The following DPYD variants were observed in gnomAD, a reference collection of about 807,000 sequenced individuals.
The protein encoded by DPYD is dihydropyrimidine dehydrogenase [NADP(+)].
Under a neutral mutation model 116.2 loss-of-function variants are expected in DPYD, and 109 were observed. That is an observed-to-expected ratio of 0.94 (90% CI 0.80 to 1.10). DPYD has a LOEUF of 1.10. Among genes scored for constraint, DPYD ranks in the 50% least tolerant of loss-of-function variants. The pLI is 0.00. For missense variants in DPYD, 1,302 were observed against 1,254.5 expected (o/e 1.04, Z -0.57); for synonymous variants, 440 against 432.0 (o/e 1.02, Z -0.23).
intron 14 of DPYD, among the ~76,000 whole-genome samples, chr1:97,414,636 T>A (rs1437932215): frequency 6.6e-6 from 1 of 152,242 alleles, no homozygotes; most frequent in Admixed American, 6.5e-5. Flanking sequence ...ATAGAATTAC[T>A]CTGTCCCACT....
chr1:97,580,508 TTAAAA>T (rs1653571016), intron 10 of DPYD, among the ~76,000 whole-genome samples: 1 of 152,178 alleles, frequency 6.6e-6, no homozygotes, highest in Non-Finnish European at 1.5e-5. Flanking sequence ...TGAGCTACAG[TTAAAA>T]TAAACTCTGC....
chr1:97,403,345 T>C (rs1673473733), intron 14 of DPYD, among the ~76,000 whole-genome samples: 1 of 152,094 alleles, frequency 6.6e-6, no homozygotes, highest in African/African-American at 2.4e-5. Context: ...AATTCTAAGT[T>C]TGAGACTATC....
rs1431555133 is a variant in DPYD at position 97,525,789 on chromosome 1, A to AGAGAGAGAGAGT, written c.1525-9849_1525-9848insACTCTCTCTCTC. Among the ~76,000 whole-genome samples the AGAGAGAGAGAGT allele has an allele frequency of 7.8e-4, 112 of 142,696 alleles. 2 individuals are homozygous for AGAGAGAGAGAGT. Among genetic ancestry groups the AGAGAGAGAGAGT allele is most frequent in the African/African-American group, 1.9e-3 (70 of 37,452 alleles). The allele number at this position is 142,696 out of a possible 152,430, so 93.6% of individuals were successfully genotyped here. A position where few individuals can be genotyped will look rare whatever the true frequency, so the allele number is the denominator to read the frequency against. On this transcript the variant is annotated intron_variant, in intron 12 of 22. Coordinates refer to ENST00000370192, the MANE Select transcript of DPYD (RefSeq NM_000110.4). ...GAGAGAGAGAGAGAGAGAGAGAGAGAGTGTGTGTGTGTTTTAGGCCAGTCT... is the reference window on the plus strand; with the variant it reads ...GAGAGAGAGAGAGAGAGAGAGAGAGAGAGAGAGAGAGTGTGTGTGTGTGTTTTAGGCCAGTCT...
chr1:97,479,977 G>T (rs1464812539), intron 13 of DPYD, among the ~76,000 whole-genome samples: 2 of 152,162 alleles, frequency 1.3e-5, no homozygotes, highest in African/African-American at 2.4e-5. Context: ...AATAATCTGA[G>T]AATTTCTGGG....
chr1:97,311,276 G>A (rs1301372298), intron 16 of DPYD, among the ~76,000 whole-genome samples: 5 of 151,760 alleles, frequency 3.3e-5, no homozygotes, highest in South Asian at 2.1e-4. Flanking sequence ...TAAAGGAGTA[G>A]TATCCAGAAT....
chr1:97,379,152 A>G (rs1473541554), intron 15 of DPYD, among the ~76,000 whole-genome samples: 2 of 152,130 alleles, frequency 1.3e-5, no homozygotes, highest in African/African-American at 4.8e-5. Flanking sequence ...AAGAGAGAAC[A>G]TTGCAGGCCA....
chr1:97,526,580 A>C (rs1326089285), intron 12 of DPYD, among the ~76,000 whole-genome samples: 1 of 152,200 alleles, frequency 6.6e-6, no homozygotes, highest in Non-Finnish European at 1.5e-5. Flanking sequence ...TTCTCCAGTA[A>C]CATGAGTTCT....
At chr1:97,554,504 T>C (rs1651552094) in intron 11 of DPYD, among the ~76,000 whole-genome samples, 1 of 152,084 alleles carries the variant, frequency 6.6e-6, no homozygotes, top group Non-Finnish European at 1.5e-5. Context: ...CCTTGTTGTT[T>C]AATTTTACAT....
chr1:97,296,752 A>T (rs913143380), intron 18 of DPYD, among the ~76,000 whole-genome samples: 13 of 151,798 alleles, frequency 8.6e-5, no homozygotes, highest in South Asian at 4.2e-4. Context: ...TTCAAATTTT[A>T]AAAAAAACAT....
At chr1:97,837,249 G>A (rs1219691180) in intron 2 of DPYD, among the ~76,000 whole-genome samples, 1 of 152,002 alleles carries the variant, frequency 6.6e-6, no homozygotes, top group African/African-American at 2.4e-5. Flanking sequence ...ACTCTCTGTT[G>A]TTTCAAGACT....
At chr1:97,314,909 T>C (rs1216048484) in intron 16 of DPYD, among the ~76,000 whole-genome samples, 1 of 151,978 alleles carries the variant, frequency 6.6e-6, no homozygotes, top group Non-Finnish European at 1.5e-5. Flanking sequence ...AGGGGCACTG[T>C]AGCACTGTTG....
intron 12 of DPYD, among the ~76,000 whole-genome samples, chr1:97,534,954 G>T (rs1278566548): frequency 6.6e-6 from 1 of 151,954 alleles, no homozygotes; most frequent in African/African-American, 2.4e-5. Flanking sequence ...AAATGATGAG[G>T]TTCAAGATAA....
intron 13 of DPYD, among the ~76,000 whole-genome samples, chr1:97,451,794 G>A (rs1439344744): frequency 6.6e-6 from 1 of 152,098 alleles, no homozygotes; most frequent in Admixed American, 6.6e-5. Context: ...TCACTCAGAT[G>A]AGGCTGGTTT....
chr1:97,883,791 C>T (rs930669761), intron 1 of DPYD: 2 of 439,464 alleles, frequency 4.6e-6, no homozygotes, highest in Admixed American at 3.0e-5. Context: ...CTCTTACAGG[C>T]CCCTAAAGAA....
intron 18 of DPYD, among the ~76,000 whole-genome samples, chr1:97,245,186 G>A (rs1198285350): frequency 6.6e-6 from 1 of 152,010 alleles, no homozygotes; most frequent in African/African-American, 2.4e-5. Context: ...TTACAGACAT[G>A]GAAATTCAGG....
At chr1:97,668,479 C>T (rs1337301047) in intron 8 of DPYD, among the ~76,000 whole-genome samples, 2 of 152,026 alleles carry the variant, frequency 1.3e-5, no homozygotes, top group Admixed American at 1.3e-4. Context: ...TTTATATGCA[C>T]AAAGTTCTTA....
intron 11 of DPYD, among the ~76,000 whole-genome samples, chr1:97,571,473 C>G (rs1444189333): frequency 6.6e-6 from 1 of 151,756 alleles, no homozygotes; most frequent in Non-Finnish European, 1.5e-5. Context: ...AGAAAATATA[C>G]TAAGGACTGA....
chr1:97,762,311 C>A (rs1296143772), intron 3 of DPYD, among the ~76,000 whole-genome samples: 2 of 152,072 alleles, frequency 1.3e-5, no homozygotes, highest in East Asian at 3.8e-4. Context: ...AAGATTAACA[C>A]CTTTATATCC....
intron 8 of DPYD, among the ~76,000 whole-genome samples, chr1:97,646,760 T>C (rs917140844): frequency 6.6e-6 from 1 of 152,084 alleles, no homozygotes; most frequent in Admixed American, 6.6e-5. Flanking sequence ...TTGCAGGATG[T>C]TCCTGCAGAG....
Sources: gnomAD v4.1 joint callset for allele counts (sites outside exome capture counted in the v4.1 genomes callset) on GRCh38, gnomAD v4.1.1 for gene constraint, MANE v1.5 for transcripts, NCBI Gene and HGNC (gene_info 2026-07-23, HGNC 2026-07-21) for gene names.